The following TFAP2B variants were observed in gnomAD, a reference collection of about 807,000 sequenced individuals.
TFAP2B encodes the protein transcription factor AP-2-beta.
A neutral mutation model predicts 44.3 loss-of-function variants in TFAP2B; 9 were observed. The observed-to-expected ratio is 0.20, with a 90% CI of 0.12 to 0.35. TFAP2B has a LOEUF of 0.35. Among genes scored for constraint, TFAP2B ranks in the 10% least tolerant of loss-of-function variants. The pLI, the probability that TFAP2B is intolerant of heterozygous loss-of-function variation, is 1.00. For synonymous variants in TFAP2B, 270 were observed against 263.8 expected (o/e 1.02, Z -0.23); for missense variants, 509 against 600.0 (o/e 0.85, Z 1.59).
At chr6:50,830,935 T>A (rs1434513115) in intron 3 of TFAP2B, among the ~76,000 whole-genome samples, 1 of 152,206 alleles carries the variant, frequency 6.6e-6, no homozygotes, top group East Asian at 1.9e-4. Flanking sequence ...TTAATATATT[T>A]TCTAATGGGC....
rs1421690866 is a variant in TFAP2B at position 50,846,325 on chromosome 6, T to C, written c.*2933T>C. 6.6e-6 allele frequency: 1 copy of C among 152,634 alleles called. No individual in the cohort carries two copies. Among genetic ancestry groups the C allele is most frequent in the African/African-American group, 2.4e-5 (1 of 41,442 alleles). The allele number at this position is 152,634 out of a possible 1,614,324, so 9.5% of individuals were successfully genotyped here. ...CTACATTTATCTGATAATTGAGTTATTAAAAGATTTGGTTTCCTTGGGCCT... is the reference window on the plus strand; with the variant it reads ...CTACATTTATCTGATAATTGAGTTACTAAAAGATTTGGTTTCCTTGGGCCT... On this transcript the variant is annotated 3_prime_UTR_variant, in exon 7 of 7. Coordinates refer to ENST00000393655, the MANE Select transcript of TFAP2B (RefSeq NM_003221.4).
Position 50,828,467 on chromosome 6 carries a change from T to C in TFAP2B, c.541-152T>C. 3 of 666,172 alleles carry C rather than the reference T, an allele frequency of 4.5e-6. No individual in the cohort carries two copies. The South Asian group carries it at 6.5e-5, about 14-fold the overall frequency. The allele number at this position is 666,172 out of a possible 1,614,324, so 41.3% of individuals were successfully genotyped here. The stretch of plus-strand genomic sequence containing the variant: ...ATAATTTGAGTAAATTTCATTTCTA[T>C]GTCTATTTGGAGGTAATAATAATAA... On this transcript the variant is annotated intron_variant, in intron 2 of 6. Coordinates refer to ENST00000393655, the MANE Select transcript of TFAP2B (RefSeq NM_003221.4).
chr6:50,839,528 T>A (rs1224287144), intron 5 of TFAP2B, among the ~76,000 whole-genome samples: 2 of 152,194 alleles, frequency 1.3e-5, no homozygotes, highest in African/African-American at 4.8e-5. Context: ...AGCTGCTGTG[T>A]CATCTTTGTG....
chr6:50,820,136 G>T (rs1561956524), intron 1 of TFAP2B, among the ~76,000 whole-genome samples: 3 of 152,236 alleles, frequency 2.0e-5, no homozygotes, highest in Admixed American at 1.3e-4. Flanking sequence ...GGAGAGAAAA[G>T]GAAGGAAGAG....
intron 3 of TFAP2B, among the ~76,000 whole-genome samples, chr6:50,834,918 G>A (rs113078780): frequency 1.9e-4 from 29 of 152,284 alleles, no homozygotes; most frequent in Non-Finnish European, 3.2e-4. Context: ...CACCTGTTTA[G>A]GGGCCTGTAA....
At position 50,845,930 on chromosome 6, in the gene TFAP2B, C is replaced by T. The variant is rs1172795817; in HGVS notation, c.*2538C>T. 1 of 152,664 alleles carries T rather than the reference C, an allele frequency of 6.6e-6. No individual in the cohort carries two copies. The highest frequency in any genetic ancestry group is 2.4e-5 in the African/African-American group (1 of 41,448). The allele number at this position is 152,664 out of a possible 1,614,324, so 9.5% of individuals were successfully genotyped here. ...CTCCAGTAGGTAATGGGGCGGCGCC[C>T]GGTGGGCTGCAGGTGGGGAGGGCTC... is the stretch of plus-strand genomic sequence containing the variant. On this transcript the variant is annotated 3_prime_UTR_variant, in exon 7 of 7. Coordinates refer to ENST00000393655, the MANE Select transcript of TFAP2B (RefSeq NM_003221.4).
chr6:50,840,208 T>C lies in TFAP2B; in HGVS notation c.993T>C (p.Phe331=), dbSNP rs1026285215. ...TTGGGTACATTTGCGAAACGGAGTT[T>C]CCCGCCAAAGCCGTCTCTGAGTATT... ...RDFGYICETE[F]PAKAVSEYLN... is the part of the protein sequence containing the mutation. The change falls in exon 6 of 7, where the codon TTT becomes TTC. Residue 331 remains phenylalanine, a synonymous_variant. Transcript: ENST00000393655. The C allele has an allele frequency of 1.2e-6, 2 of 1,613,924 alleles. No homozygotes were observed. Among genetic ancestry groups the C allele is most frequent in the African/African-American group, 2.7e-5 (2 of 74,876 alleles).
chr6:50,820,461 AAG>A (rs1484328903), intron 1 of TFAP2B, among the ~76,000 whole-genome samples: 1 of 152,210 alleles, frequency 6.6e-6, no homozygotes, highest in African/African-American at 2.4e-5. Flanking sequence ...AGGAGGAGAT[AAG>A]AGAGGAGAGG....
At chr6:50,820,901 G>A (rs1174004633) in intron 1 of TFAP2B, among the ~76,000 whole-genome samples, 1 of 151,974 alleles carries the variant, frequency 6.6e-6, no homozygotes, top group African/African-American at 2.4e-5. Context: ...GAGGGGTGGA[G>A]TGGAAGGGAG....
chr6:50,830,866 G>T (rs1770652874), intron 3 of TFAP2B, among the ~76,000 whole-genome samples: 1 of 152,150 alleles, frequency 6.6e-6, no homozygotes, highest in Non-Finnish European at 1.5e-5. Flanking sequence ...TAAAAGAGGT[G>T]AGAAAGTCTT....
rs935693220 is a variant in TFAP2B, at chr6:50,844,058, G to T, written c.*666G>T. 2 of 152,410 alleles carry T rather than the reference G, an allele frequency of 1.3e-5. No individual in the cohort carries two copies. The highest frequency in any genetic ancestry group is 4.8e-5 in the African/African-American group (2 of 41,440). The allele number at this position is 152,410 out of a possible 1,614,324, so 9.4% of individuals were successfully genotyped here. On this transcript the variant is annotated 3_prime_UTR_variant, in exon 7 of 7. Coordinates refer to ENST00000393655, the MANE Select transcript of TFAP2B (RefSeq NM_003221.4). ...GCTCCCCGGCCGCTTGCATAATTAGGGAGGGCGAGGGCGGGGCGGGAGGCC... is the reference window on the plus strand; with the variant it reads ...GCTCCCCGGCCGCTTGCATAATTAGTGAGGGCGAGGGCGGGGCGGGAGGCC...
intron 3 of TFAP2B, among the ~76,000 whole-genome samples, chr6:50,835,140 C>T (rs1009568873): frequency 6.6e-6 from 1 of 152,172 alleles, no homozygotes; most frequent in East Asian, 1.9e-4. Flanking sequence ...CAGCTGTCAA[C>T]TCTTATTAAC....
Position 50,818,880 on chromosome 6 carries a change from C to G in TFAP2B, c.-12C>G. 1 of 1,613,712 alleles carries G rather than the reference C, an allele frequency of 6.2e-7. No homozygotes were observed. Among genetic ancestry groups the G allele is most frequent in the South Asian group, 1.1e-5 (1 of 91,066 alleles). ...GGAGTCCTGAGAAGCCAGACATCTG[C>G]TCCTCACATGAATGCACTCACCTCC... On this transcript the variant is annotated 5_prime_UTR_variant, in exon 1 of 7. Coordinates refer to ENST00000393655, the MANE Select transcript of TFAP2B (RefSeq NM_003221.4).
Position 50,843,690 on chromosome 6 carries a change from A to AT in TFAP2B, c.*301dup, listed in dbSNP as rs1451697233. The AT allele has an allele frequency of 3.2e-6, 1 of 316,112 alleles. No homozygotes were observed. The highest frequency in any genetic ancestry group is 5.7e-6 in the Non-Finnish European group (1 of 174,210). 19.6% of individuals were successfully genotyped at this position (316,112 alleles called of 1,614,324 possible). A position where few individuals can be genotyped will look rare whatever the true frequency, so the allele number is the denominator to read the frequency against. On this transcript the variant is annotated 3_prime_UTR_variant, in exon 7 of 7. Coordinates refer to ENST00000393655, the MANE Select transcript of TFAP2B (RefSeq NM_003221.4). ...ATACTGATAATAAAAGAAAACCATG[A>AT]TTTCCCCTTCCCTTTGGAAAATAAA...
In TFAP2B at chr6:50,823,777, T is replaced by C. The variant is rs1276852336; in HGVS notation, c.452T>C (p.Leu151Pro). 1 of 1,593,620 alleles carries C rather than the reference T, an allele frequency of 6.3e-7. No individual in the cohort carries two copies. Among genetic ancestry groups the C allele is most frequent in the South Asian group, 1.1e-5 (1 of 88,472 alleles). The change falls in exon 2 of 7, where the codon CTG becomes CCG. Residue 151 changes from leucine to proline, a missense_variant. Transcript: ENST00000393655. ...YHSVRRPDVL[L>P]HSAHHGLDAG... ...TCGGTCCGCCGGCCGGACGTGCTGC[T>C]GCATTCGGCGCACCACGGCCTGGAC...
At chr6:50,830,218 G>T (rs1176716227) in intron 3 of TFAP2B, 2 of 784,002 alleles carry the variant, frequency 2.6e-6, no homozygotes, top group Non-Finnish European at 3.1e-6. Context: ...TTAGCTCAGG[G>T]TTCTGTATCC....
intron 2 of TFAP2B, among the ~76,000 whole-genome samples, chr6:50,825,860 G>A (rs1330747735): frequency 6.6e-6 from 1 of 152,088 alleles, no homozygotes; most frequent in African/African-American, 2.4e-5. Context: ...TTCTTGGGAC[G>A]ACCCCTATAG....
At chr6:50,835,043 T>G (rs1038940006) in intron 3 of TFAP2B, among the ~76,000 whole-genome samples, 5 of 152,336 alleles carry the variant, frequency 3.3e-5, no homozygotes, top group African/African-American at 1.2e-4. Flanking sequence ...GAGCCTAGCC[T>G]CTTTCTGACA....
At position 50,845,917 on chromosome 6, in the gene TFAP2B, A is replaced by G. The variant is rs2113965961; in HGVS notation, c.*2525A>G. 1 of 152,694 alleles carries G rather than the reference A, an allele frequency of 6.5e-6. No individual in the cohort carries two copies. Among genetic ancestry groups the G allele is most frequent in the East Asian group, 1.9e-4 (1 of 5,148 alleles). 9.5% of individuals were successfully genotyped at this position (152,694 alleles called of 1,614,324 possible). A position where few individuals can be genotyped will look rare whatever the true frequency, so the allele number is the denominator to read the frequency against. On this transcript the variant is annotated 3_prime_UTR_variant, in exon 7 of 7. Coordinates refer to ENST00000393655, the MANE Select transcript of TFAP2B (RefSeq NM_003221.4). ...AGAAAGCCCCATTCTCCAGTAGGTA[A>G]TGGGGCGGCGCCCGGTGGGCTGCAG...
Sources: gnomAD v4.1 joint callset for allele counts (sites outside exome capture counted in the v4.1 genomes callset) on GRCh38, gnomAD v4.1.1 for gene constraint, MANE v1.5 for transcripts, NCBI Gene and HGNC (gene_info 2026-07-23, HGNC 2026-07-21) for gene names.